Variants in TANC2 observed in about 807,000 individuals in gnomAD.
TANC2 encodes protein TANC2.
TANC2 carries 26 observed loss-of-function variants against 210.5 expected under a neutral mutation model. The ratio of observed to expected loss-of-function variants is 0.12; its 90% CI spans 0.09 to 0.17. TANC2 has a LOEUF of 0.17. TANC2 is among the 10% of genes least tolerant of loss of function. The pLI is 1.00. For missense variants in TANC2, 2,129 were observed against 2,608.9 expected (o/e 0.82, Z 4.01); for synonymous variants, 931 against 967.1 (o/e 0.96, Z 0.69).
chr17:63,270,209 TC>T (rs2043656811), intron 9 of TANC2, among the ~76,000 whole-genome samples: 1 of 152,134 alleles, frequency 6.6e-6, no homozygotes, highest in African/African-American at 2.4e-5. Context: ...TAATCCTCTC[TC>T]AAAAAGTAAC....
exon 28 of TANC2, chr17:63,427,455 T>G (rs2049171439): frequency 6.6e-6 from 1 of 152,286 alleles, no homozygotes; most frequent in Admixed American, 6.5e-5. Flanking sequence ...CACACAGTTG[T>G]GAAGCCGTGC....
At chr17:63,348,358 G>C (rs1345957192) in intron 12 of TANC2, among the ~76,000 whole-genome samples, 2 of 152,180 alleles carry the variant, frequency 1.3e-5, no homozygotes, top group Non-Finnish European at 2.9e-5. Context: ...ACATGTAAGT[G>C]GAGGCAGTGG....
chr17:63,111,812 G>T (rs1422649692), intron 4 of TANC2, among the ~76,000 whole-genome samples: 1 of 151,824 alleles, frequency 6.6e-6, no homozygotes, highest in Non-Finnish European at 1.5e-5. Flanking sequence ...TGCAACCTCC[G>T]CCTCCCAGGT....
intron 14 of TANC2, among the ~76,000 whole-genome samples, chr17:63,355,773 C>T (rs2046763399): frequency 6.6e-6 from 1 of 152,096 alleles, no homozygotes; most frequent in Non-Finnish European, 1.5e-5. Flanking sequence ...AGAATCATTT[C>T]AAAGTTTTTA....
chr17:63,419,430 C>T (rs1024757440), intron 27 of TANC2, among the ~76,000 whole-genome samples: 1 of 152,176 alleles, frequency 6.6e-6, no homozygotes, highest in Admixed American at 6.5e-5. Flanking sequence ...CCCGAGTGAC[C>T]TAGTCAGCAA....
exon 28 of TANC2, chr17:63,424,912 T>A (rs1000239634): frequency 1.3e-5 from 2 of 152,234 alleles, no homozygotes; most frequent in African/African-American, 4.8e-5. Context: ...TTTTTTAATA[T>A]GAAAAATATT....
rs192950804 is a variant in TANC2, at chr17:63,204,152, T to C, written c.769+3195T>C. ...ATATTTTTACAGCAAAGTTGCAGGA[T>C]ACAAAATCAACACCAAAACAAGTTG... is the stretch of plus-strand genomic sequence containing the variant. On this transcript the variant is annotated intron_variant, in intron 7 of 27. Transcript: ENST00000689528. 5.3e-5 allele frequency among the ~76,000 whole-genome samples: 8 copies of C among 150,514 alleles called. No individual in the cohort carries two copies. The East Asian group carries it at 1.2e-3, about 22-fold the overall frequency.
chr17:63,260,086 TA>T (rs908906493), intron 8 of TANC2, among the ~76,000 whole-genome samples: 9 of 152,286 alleles, frequency 5.9e-5, no homozygotes, highest in African/African-American at 1.9e-4. Context: ...GAATAAGGAA[TA>T]AAAAATAAGC....
In TANC2 at chr17:63,412,217, G is replaced by T; in HGVS notation, c.3898+87G>T. On this transcript the variant is annotated intron_variant, in intron 23 of 27. Coordinates refer to ENST00000689528, the Ensembl canonical transcript of TANC2. This position sits in a 1 kb window ranked among gnomAD's most constrained non-coding sequence, Gnocchi z 4.2. ...TGGCTGCCCTGGGTATTTGGTGTGA[G>T]TGTATATAGTTCCCCCTCCTCCCTG... The T allele has an allele frequency of 6.4e-7, 1 of 1,566,690 alleles. No individual in the cohort carries two copies.
chr17:63,395,434 CAAA>C (rs1276667637), intron 17 of TANC2, among the ~76,000 whole-genome samples: 1 of 151,990 alleles, frequency 6.6e-6, no homozygotes, highest in Non-Finnish European at 1.5e-5. Flanking sequence ...TTTGAGGAGA[CAAA>C]GAAGAATTTA....
intron 5 of TANC2, among the ~76,000 whole-genome samples, chr17:63,164,129 CTTT>C (rs529912657): frequency 7.9e-6 from 1 of 126,820 alleles, no homozygotes. Flanking sequence ...GCATCAGCAG[CTTT>C]TTTTTTTTTT....
At chr17:63,123,681 ATCTTTTTTTTT>A (rs1240037927) in intron 4 of TANC2, among the ~76,000 whole-genome samples, 1 of 140,610 alleles carries the variant, frequency 7.1e-6, no homozygotes, top group African/African-American at 2.7e-5. Context: ...AGTAGGTAAA[ATCTTTTTTTTT>A]TTTTTTTTTT....
chr17:63,276,981 G>C (rs2043896569), intron 9 of TANC2, among the ~76,000 whole-genome samples: 1 of 152,146 alleles, frequency 6.6e-6, no homozygotes, highest in African/African-American at 2.4e-5. Flanking sequence ...TGCGGTATTG[G>C]AGATGGCAAA....
chr17:63,384,454 G>A (rs2047712098), intron 15 of TANC2, among the ~76,000 whole-genome samples: 1 of 151,994 alleles, frequency 6.6e-6, no homozygotes, highest in South Asian at 2.1e-4. Flanking sequence ...GAGGGGCTAG[G>A]ATCTCTAAAG....
rs9912848 is a variant in TANC2, at chr17:63,234,459, G to A, written c.770-3355G>A. 8.0e-3 allele frequency among the ~76,000 whole-genome samples: 1,221 copies of A among 152,144 alleles called. 18 individuals carry two copies. Among genetic ancestry groups the A allele is most frequent in the African/African-American group, 0.027 (1,125 of 41,504 alleles). Reference sequence around the variant, plus strand: ...CTGAAGAATGAGGCCGATTATTTTCGTTCTGATATTTCATTGTTAATGTCT... The same window carrying A: ...CTGAAGAATGAGGCCGATTATTTTCATTCTGATATTTCATTGTTAATGTCT... On this transcript the variant is annotated intron_variant, in intron 7 of 27. Coordinates refer to ENST00000689528, the Ensembl canonical transcript of TANC2.
intron 1 of TANC2, among the ~76,000 whole-genome samples, chr17:62,992,920 C>T (rs2032938973): frequency 6.6e-6 from 1 of 152,174 alleles, no homozygotes; most frequent in Non-Finnish European, 1.5e-5. Flanking sequence ...GGGGCAAAAA[C>T]TAATGTTTTG....
chr17:63,417,312 T>C (rs562203109), intron 26 of TANC2, among the ~76,000 whole-genome samples: 11 of 152,334 alleles, frequency 7.2e-5, no homozygotes. Context: ...AACCAGAGGC[T>C]ACCATGCTAT....
chr17:63,085,834 T>A (rs1199822068), intron 3 of TANC2, among the ~76,000 whole-genome samples: 5 of 152,218 alleles, frequency 3.3e-5, no homozygotes, highest in Non-Finnish European at 7.4e-5. Flanking sequence ...CTTCACGTAT[T>A]CATTCTCTAA....
intron 7 of TANC2, among the ~76,000 whole-genome samples, chr17:63,203,312 G>A (rs2041595842): frequency 6.6e-6 from 1 of 152,038 alleles, no homozygotes; most frequent in Non-Finnish European, 1.5e-5. Context: ...CTAAGATGAG[G>A]CTACTTACAG....
Sources: gnomAD v4.1 joint callset for allele counts (sites outside exome capture counted in the v4.1 genomes callset) on GRCh38, gnomAD v4.1.1 for gene constraint, Gnocchi (gnomAD v3.1) non-coding constraint, MANE v1.5 for transcripts, NCBI Gene and HGNC (gene_info 2026-07-23, HGNC 2026-07-21) for gene names.